VDAC1: variants seen among roughly 807,000 people sequenced by gnomAD.
The protein encoded by VDAC1 is voltage dependent anion channel 1.
Under a neutral mutation model 34.7 loss-of-function variants are expected in VDAC1, and 10 were observed. The observed-to-expected ratio is 0.29, with a 90% CI of 0.18 to 0.49. The LOEUF is 0.49. Among genes scored for constraint, VDAC1 ranks in the 20% least tolerant of loss-of-function variants. The pLI is 0.99. For synonymous variants in VDAC1, 130 were observed against 136.0 expected (o/e 0.96, Z 0.30); for missense variants, 230 against 347.9 (o/e 0.66, Z 2.69).
intron 6 of VDAC1, 72 bp from the exon 7 acceptor site, chr5:133,976,093 G>A: frequency 6.3e-7 from 1 of 1,589,308 alleles, no homozygotes; most frequent in African/African-American, 1.3e-5. Context: ...ATCCACCCAA[G>A]TCTCCCAGAA....
At chr5:134,094,661 C>T in the VDAC1 span, among the ~76,000 whole-genome samples, 3 of 134,058 alleles carry the variant, frequency 2.2e-5, no homozygotes, top group East Asian at 2.3e-4. Context: ...CGCGCCACTG[C>T]GCTCCAGCCT....
the VDAC1 span, among the ~76,000 whole-genome samples, chr5:134,090,642 G>A: frequency 2.6e-5 from 4 of 152,086 alleles, no homozygotes; most frequent in African/African-American, 4.8e-5. Context: ...ACCAACCTCC[G>A]CTCAAGGTCG....
the VDAC1 span, among the ~76,000 whole-genome samples, chr5:134,011,500 T>C: frequency 6.6e-6 from 1 of 152,114 alleles, no homozygotes; most frequent in Non-Finnish European, 1.5e-5. Flanking sequence ...ACCATTGTAC[T>C]CTCTGCTTCT....
At chr5:134,075,183 C>A in the VDAC1 span, among the ~76,000 whole-genome samples, 3 of 152,190 alleles carry the variant, frequency 2.0e-5, no homozygotes, top group African/African-American at 7.2e-5. Flanking sequence ...TATTTATATA[C>A]CATTTGCACA....
the VDAC1 span, among the ~76,000 whole-genome samples, chr5:134,079,015 C>T: frequency 6.6e-6 from 1 of 151,538 alleles, no homozygotes; most frequent in Non-Finnish European, 1.5e-5. Flanking sequence ...CTCTGTGGCC[C>T]AGGCTGGAGT....
chr5:134,005,730 C>T (rs1216049621), upstream of VDAC1, among the ~76,000 whole-genome samples: 1 of 152,192 alleles, frequency 6.6e-6, no homozygotes, highest in Admixed American at 6.5e-5. Context: ...TAGGCCTAAG[C>T]GAGTGGTCTC....
chr5:134,006,268 C>T (rs750838817), upstream of VDAC1, among the ~76,000 whole-genome samples: 3 of 152,168 alleles, frequency 2.0e-5, no homozygotes, highest in Non-Finnish European at 4.4e-5. Flanking sequence ...GTCCCCACCC[C>T]GCACACTGAG....
chr5:134,085,971 T>C, the VDAC1 span, among the ~76,000 whole-genome samples: 1 of 152,064 alleles, frequency 6.6e-6, no homozygotes, highest in Admixed American at 6.6e-5. Context: ...GGCGTGTGGA[T>C]CACTTGAGGT....
chr5:134,055,272 C>T, the VDAC1 span, among the ~76,000 whole-genome samples: 1 of 152,130 alleles, frequency 6.6e-6, no homozygotes, highest in Non-Finnish European at 1.5e-5. Context: ...GCTGTGGTGG[C>T]TATGGGGTGA....
At chr5:133,984,419 C>CGT (rs70976506) in intron 5 of VDAC1, among the ~76,000 whole-genome samples, 2,202 of 121,946 alleles carry the variant, frequency 0.018, 24 homozygotes, top group East Asian at 0.021. Flanking sequence ...CAATGACCAG[C>CGT]GTGTGTGTGT....
intron 1 of VDAC1, among the ~76,000 whole-genome samples, chr5:133,998,775 G>A (rs911650703): frequency 6.6e-6 from 1 of 152,206 alleles, no homozygotes; most frequent in Non-Finnish European, 1.5e-5. Context: ...CAGAAATCAT[G>A]AGCAGGAAAG....
chr5:134,055,025 T>C, the VDAC1 span, among the ~76,000 whole-genome samples: 1 of 152,202 alleles, frequency 6.6e-6, no homozygotes, highest in Non-Finnish European at 1.5e-5. Flanking sequence ...AGACATTGAT[T>C]GAGTCCCCTC....
At chr5:134,010,538 C>A in the VDAC1 span, among the ~76,000 whole-genome samples, 1 of 151,958 alleles carries the variant, frequency 6.6e-6, no homozygotes, top group African/African-American at 2.4e-5. Context: ...GCAGAGGTTG[C>A]AGTGAGCCGA....
At chr5:134,038,106 C>G in the VDAC1 span, among the ~76,000 whole-genome samples, 1 of 152,034 alleles carries the variant, frequency 6.6e-6, no homozygotes, top group Non-Finnish European at 1.5e-5. Flanking sequence ...CATGTGGGTT[C>G]CCAAGCAATA....
chr5:133,974,964 A>C (rs1212659464), intron 7 of VDAC1, among the ~76,000 whole-genome samples: 1 of 147,764 alleles, frequency 6.8e-6, no homozygotes, highest in Admixed American at 6.8e-5. Flanking sequence ...CAAAAAAAAA[A>C]ACAAACAAAC....
the VDAC1 span, among the ~76,000 whole-genome samples, chr5:134,062,134 C>T: frequency 6.6e-6 from 1 of 151,332 alleles, no homozygotes; most frequent in Non-Finnish European, 1.5e-5. Flanking sequence ...CTACAGCAGC[C>T]CACCACCATG....
chr5:134,045,876 G>A, the VDAC1 span, among the ~76,000 whole-genome samples: 1 of 151,494 alleles, frequency 6.6e-6, no homozygotes, highest in South Asian at 2.1e-4. Flanking sequence ...GTAGAGGCAG[G>A]GTTTCTCCGT....
Position 133,972,913 on chromosome 5 carries a change from A to C in VDAC1, c.761-51T>G, listed in dbSNP as rs745363694. The C allele has an allele frequency of 1.1e-5, 17 of 1,481,286 alleles. No homozygotes were observed. The Admixed American group carries it at 1.7e-4, about 15-fold the overall frequency. 91.8% of individuals were successfully genotyped at this position (1,481,286 alleles called of 1,614,324 possible). ...GAAAGGAGGAGGAATGGAGGAAAGA[A>C]ATGACAAGAAAGATTAACACCAAAT... On this transcript the variant is annotated intron_variant, in intron 8 of 8. Transcript: ENST00000265333.
At chr5:134,081,685 G>A in the VDAC1 span, among the ~76,000 whole-genome samples, 1 of 151,894 alleles carries the variant, frequency 6.6e-6, no homozygotes. Context: ...TCCAGTCTTA[G>A]AACCTCCCAC....
Sources: gnomAD v4.1 joint callset for allele counts (sites outside exome capture counted in the v4.1 genomes callset) on GRCh38, gnomAD v4.1.1 for gene constraint, MANE v1.5 for transcripts, NCBI Gene and HGNC (gene_info 2026-07-23, HGNC 2026-07-21) for gene names.